RPF2: variants seen among roughly 807,000 people sequenced by gnomAD.
The protein encoded by RPF2 is brix domain containing 1.
In RPF2, 21 loss-of-function variants were observed where a neutral mutation model predicts 38.9. That is an observed-to-expected ratio of 0.54 (90% confidence interval 0.38 to 0.78). RPF2 has a LOEUF of 0.78. Ranked by LOEUF, RPF2 falls within the 30% of genes least tolerant of loss-of-function variation. The pLI is 0.00. For missense variants in RPF2, 314 were observed against 358.1 expected (o/e 0.88, Z 0.99); for synonymous variants, 121 against 126.2 (o/e 0.96, Z 0.28).
Position 110,985,062 on chromosome 6 carries a change from A to G in RPF2, c.80A>G (p.Asn27Ser). The G allele has an allele frequency of 6.2e-7, 1 of 1,613,406 alleles. No individual in the cohort carries two copies. The highest frequency in any genetic ancestry group is 1.1e-5 in the South Asian group (1 of 91,054). ...RFLEKREPKL[N>S]ENIKNAMLIK... ...CTTGAGAAGAGAGAACCGAAACTCAATGAAAATATTAAAAATGCCATGCTG... is the reference window on the plus strand; with the variant it reads ...CTTGAGAAGAGAGAACCGAAACTCAGTGAAAATATTAAAAATGCCATGCTG... The change falls in exon 2 of 10, where the codon AAT (asparagine) becomes AGT (serine). Residue 27 changes from asparagine (N) to serine (S), a missense_variant. Asn to Ser is a conservative substitution (Grantham distance 46). Coordinates refer to ENST00000441448, the MANE Select transcript of RPF2 (RefSeq NM_032194.3).
chr6:110,987,143 C>T (rs1379152922), intron 2 of RPF2, among the ~76,000 whole-genome samples: 1 of 152,022 alleles, frequency 6.6e-6, no homozygotes, highest in Admixed American at 6.6e-5. Flanking sequence ...TCTTGGCTTA[C>T]TGCAACCTCT....
rs771151426 is a variant in RPF2 at position 110,985,156 on chromosome 6, A to C, written c.156+18A>C. On this transcript the variant is annotated intron_variant, in intron 2 of 9. Coordinates refer to ENST00000441448, the MANE Select transcript of RPF2 (RefSeq NM_032194.3). The stretch of plus-strand genomic sequence containing the variant: ...AAGATGTGGTAAGTATATATACTTA[A>C]TCTTTAAAAGGTATTGAAGTCATTT... 6.3e-7 allele frequency: 1 copy of C among 1,586,684 alleles called. No individual in the cohort carries two copies. Among genetic ancestry groups the C allele is most frequent in the Non-Finnish European group, 8.6e-7 (1 of 1,163,392 alleles).
chr6:110,984,474 C>A (rs774657017), intron 1 of RPF2, among the ~76,000 whole-genome samples: 1 of 151,740 alleles, frequency 6.6e-6, no homozygotes, highest in Admixed American at 6.6e-5. Flanking sequence ...AAAATGAAAG[C>A]TTTTTTTTAA....
At position 111,020,788 on chromosome 6, in the gene RPF2, G is replaced by A. The variant is rs141837026; in HGVS notation, c.597-3395G>A. Among the ~76,000 whole-genome samples, 733 of 152,156 alleles carry A rather than the reference G, an allele frequency of 4.8e-3. 3 individuals are homozygous for A. The highest frequency in any genetic ancestry group is 6.0e-3 in the Non-Finnish European group (408 of 68,000). ...ATGCAGGAGAACCCGGGAGGCAGAGGTTGCAGTGAGCCAAGATCGCACCAC... is the reference window on the plus strand; with the variant it reads ...ATGCAGGAGAACCCGGGAGGCAGAGATTGCAGTGAGCCAAGATCGCACCAC... On this transcript the variant is annotated intron_variant, in intron 8 of 9. Transcript: ENST00000441448.
chr6:111,008,185 T>G, intron 7 of RPF2, 48 bp downstream of exon 7: 2 of 1,526,230 alleles, frequency 1.3e-6, no homozygotes, highest in Non-Finnish European at 1.7e-6. Context: ...AGGAAGACAG[T>G]CTCAGACTCT....
intron 1 of RPF2, chr6:110,982,344 TG>T: frequency 1.6e-6 from 1 of 609,948 alleles, no homozygotes; most frequent in Non-Finnish European, 2.9e-6. Flanking sequence ...GGGAGGGATG[TG>T]GGATTGAAGC....
At chr6:111,019,755 T>G (rs13362799) in intron 8 of RPF2, among the ~76,000 whole-genome samples, 2 of 151,950 alleles carry the variant, frequency 1.3e-5, no homozygotes, top group Non-Finnish European at 2.9e-5. Flanking sequence ...AAAATAAAAA[T>G]TGTATAAAAT....
chr6:110,992,029 G>A (rs927434097), intron 4 of RPF2, among the ~76,000 whole-genome samples: 6 of 152,084 alleles, frequency 3.9e-5, no homozygotes, highest in African/African-American at 9.7e-5. Context: ...AAACTTGGCC[G>A]GGCGCGGTGG....
chr6:111,016,680 TTTC>T lies in RPF2; in HGVS notation c.596+827_596+829del, dbSNP rs1368733009. Among the ~76,000 whole-genome samples, 99 of 112,284 alleles carry T rather than the reference TTTC, an allele frequency of 8.8e-4. 1 individual carries two copies. Among genetic ancestry groups the T allele is most frequent in the South Asian group, 1.9e-3 (6 of 3,086 alleles). The allele number at this position is 112,284 out of a possible 152,430, so 73.7% of individuals were successfully genotyped here. A position where few individuals can be genotyped will look rare whatever the true frequency, so the allele number is the denominator to read the frequency against. On this transcript the variant is annotated intron_variant, in intron 8 of 9. Coordinates refer to ENST00000441448, the MANE Select transcript of RPF2 (RefSeq NM_032194.3). ...GCTGTAATTGTGGTTCTTTTTTTTTTTTCTTTCTTTTTTTTTTTTTTAATTGAT... is the reference window on the plus strand; with the variant it reads ...GCTGTAATTGTGGTTCTTTTTTTTTTTTTCTTTTTTTTTTTTTTAATTGAT...
Position 110,982,871 on chromosome 6 carries a change from T to C in RPF2, c.23+742T>C, listed in dbSNP as rs890760540. 9.8e-5 allele frequency among the ~76,000 whole-genome samples: 15 copies of C among 152,322 alleles called. 1 individual carries two copies. The highest frequency in any genetic ancestry group is 9.8e-4 in the Admixed American group (15 of 15,292). ...ACTACAAAGAGTAGTTTACTAGGTA[T>C]TGGGACTAGTTCACACGTTAATTGG... On this transcript the variant is annotated intron_variant, in intron 1 of 9. Transcript: ENST00000441448.
intron 1 of RPF2, among the ~76,000 whole-genome samples, chr6:110,983,450 C>G (rs766657929): frequency 3.3e-5 from 5 of 152,066 alleles, no homozygotes; most frequent in Non-Finnish European, 5.9e-5. Flanking sequence ...TGGGATCAAG[C>G]AGTCCTCCTA....
intron 6 of RPF2, among the ~76,000 whole-genome samples, chr6:111,005,033 A>C (rs1771885175): frequency 6.6e-6 from 1 of 152,100 alleles, no homozygotes; most frequent in South Asian, 2.1e-4. Context: ...TGTACACCTA[A>C]ATAGACCCTA....
chr6:110,993,053 C>T (rs1313311262), intron 4 of RPF2, among the ~76,000 whole-genome samples: 2 of 152,170 alleles, frequency 1.3e-5, no homozygotes. Context: ...GTCTCCACCT[C>T]CCAGACTCAA....
intron 4 of RPF2, among the ~76,000 whole-genome samples, chr6:110,995,323 C>A (rs947718792): frequency 2.6e-5 from 4 of 152,122 alleles, no homozygotes; most frequent in African/African-American, 9.7e-5. Context: ...GTGGTATTAT[C>A]CCTATTGATA....
At chr6:111,001,771 TG>T (rs1227043975) in intron 6 of RPF2, among the ~76,000 whole-genome samples, 2 of 152,214 alleles carry the variant, frequency 1.3e-5, no homozygotes, top group Non-Finnish European at 2.9e-5. Flanking sequence ...GAGGGAGCAC[TG>T]GCTGATGAGC....
chr6:111,007,479 C>T (rs984817293), intron 6 of RPF2, among the ~76,000 whole-genome samples: 3 of 150,952 alleles, frequency 2.0e-5, no homozygotes, highest in Admixed American at 2.0e-4. Context: ...TTGCAGGATG[C>T]CTTGAGCCCA....
intron 1 of RPF2, among the ~76,000 whole-genome samples, chr6:110,984,659 G>A (rs1241713048): frequency 6.6e-6 from 1 of 151,972 alleles, no homozygotes; most frequent in Admixed American, 6.6e-5. Flanking sequence ...GACCAACATG[G>A]CGAAACCCTG....
chr6:110,989,945 C>CTT (rs201578164), intron 3 of RPF2, among the ~76,000 whole-genome samples: 2 of 113,744 alleles, frequency 1.8e-5, no homozygotes, highest in African/African-American at 6.4e-5. Context: ...TCTTTCTTTT[C>CTT]TTTTTTTTTT....
At chr6:110,986,649 C>A (rs1771530288) in intron 2 of RPF2, among the ~76,000 whole-genome samples, 3 of 152,134 alleles carry the variant, frequency 2.0e-5, no homozygotes, top group Non-Finnish European at 4.4e-5. Context: ...TATATGTAAT[C>A]TATGAAAGAA....
Sources: allele counts gnomAD v4.1 joint callset (sites outside exome capture counted in the v4.1 genomes callset), GRCh38; gene constraint gnomAD v4.1.1; transcripts MANE v1.5; gene names NCBI Gene and HGNC (gene_info 2026-07-23, HGNC 2026-07-21).